The following DCAF5 variants were observed in gnomAD, a reference collection of about 807,000 sequenced individuals.
The protein encoded by DCAF5 is DDB1 and CUL4 associated factor 5, also known as DDB1- and CUL4-associated factor 5.
DCAF5 carries 9 observed loss-of-function variants against 80.7 expected under a neutral mutation model. The observed-to-expected ratio is 0.11, with a 90% CI of 0.07 to 0.19. DCAF5 has a LOEUF of 0.19. Among genes scored for constraint, DCAF5 ranks in the 10% least tolerant of loss-of-function variants. The pLI is 1.00. For synonymous variants in DCAF5, 433 were observed against 461.9 expected, an observed-to-expected ratio of 0.94 and a Z score of 0.80; for missense variants, 842 against 1,205.7, an observed-to-expected ratio of 0.70 and a Z score of 4.47.
At chr14:69,056,979 G>C (rs1191101644) in intron 8 of DCAF5, among the ~76,000 whole-genome samples, 2 of 152,116 alleles carry the variant, frequency 1.3e-5, no homozygotes, top group Admixed American at 1.3e-4. Flanking sequence ...TCTTACCCTA[G>C]AGAGTTTCAA....
At chr14:69,132,160 A>C (rs2041061165) in intron 1 of DCAF5, among the ~76,000 whole-genome samples, 1 of 152,172 alleles carries the variant, frequency 6.6e-6, no homozygotes, top group African/African-American at 2.4e-5. Context: ...ATATAACCAG[A>C]AGTGAAATTG....
In DCAF5 at chr14:69,062,651, T is replaced by C. The variant is rs1405914917; in HGVS notation, c.947-140A>G. On this transcript the variant is annotated intron_variant, in intron 7 of 8. Transcript: ENST00000341516. ...CCAGCAGAATGCTTAATCTTACAGA[T>C]AAGTTGCTATGGAAAGAGAGAAGAT... 1.1e-5 allele frequency: 10 copies of C among 886,966 alleles called. No individual in the cohort carries two copies. The South Asian group carries it at 1.7e-4, about 15-fold the overall frequency. 54.9% of individuals were successfully genotyped at this position (886,966 alleles called of 1,614,324 possible).
intron 1 of DCAF5, among the ~76,000 whole-genome samples, chr14:69,123,524 T>C (rs890095608): frequency 1.3e-5 from 2 of 152,192 alleles, no homozygotes; most frequent in Non-Finnish European, 2.9e-5. Flanking sequence ...AAAATATATA[T>C]ATATACATGT....
intron 7 of DCAF5, among the ~76,000 whole-genome samples, chr14:69,066,137 GTT>G (rs1212937696): frequency 3.5e-5 from 5 of 141,416 alleles, no homozygotes; most frequent in South Asian, 2.3e-4. Context: ...TGCTGACACT[GTT>G]TTTTTTTTTT....
intron 6 of DCAF5, chr14:69,091,060 CT>C (rs1268850278): frequency 6.7e-6 from 5 of 746,362 alleles, no homozygotes. Context: ...TATTCTTAAA[CT>C]GCCAGCTTTA....
intron 5 of DCAF5, among the ~76,000 whole-genome samples, chr14:69,113,497 G>A (rs1052724072): frequency 2.0e-5 from 3 of 151,576 alleles, no homozygotes; most frequent in African/African-American, 4.9e-5. Flanking sequence ...GCAGTTATAG[G>A]GGATTCACAA....
chr14:69,084,068 C>G, intron 6 of DCAF5: 7 of 785,534 alleles, frequency 8.9e-6, no homozygotes, highest in Non-Finnish European at 1.6e-5. Context: ...GTGGTAAAAC[C>G]CCAGCTTTTC....
intron 7 of DCAF5, among the ~76,000 whole-genome samples, chr14:69,065,780 G>C (rs1166890853): frequency 1.3e-5 from 2 of 152,104 alleles, no homozygotes; most frequent in Non-Finnish European, 2.9e-5. Flanking sequence ...AAAGAATCTA[G>C]GGTCTCCTTT....
intron 5 of DCAF5, among the ~76,000 whole-genome samples, chr14:69,098,909 A>G (rs1486826526): frequency 6.7e-6 from 1 of 149,562 alleles, no homozygotes; most frequent in Admixed American, 6.7e-5. Context: ...AAAAAAAAAA[A>G]AAAAAAGAAA....
chr14:69,143,092 A>T (rs2041424439), intron 1 of DCAF5, among the ~76,000 whole-genome samples: 1 of 152,214 alleles, frequency 6.6e-6, no homozygotes, highest in African/African-American at 2.4e-5. Context: ...CTGCTTGAGA[A>T]GTAAGTACTG....
chr14:69,145,577 A>G (rs1354289823), intron 1 of DCAF5, among the ~76,000 whole-genome samples: 1 of 152,204 alleles, frequency 6.6e-6, no homozygotes, highest in Non-Finnish European at 1.5e-5. Context: ...TTTAAAGGAC[A>G]GGGAATTGAG....
At chr14:69,075,287 A>T (rs2038857204) in intron 7 of DCAF5, 58 bp downstream of exon 7, 1 of 1,438,338 alleles carries the variant, frequency 7.0e-7, no homozygotes, top group Non-Finnish European at 9.7e-7. Context: ...AGGGCACAGC[A>T]TGCCAAAGGT....
intron 5 of DCAF5, among the ~76,000 whole-genome samples, chr14:69,101,985 T>C (rs1181124474): frequency 1.3e-5 from 2 of 152,162 alleles, no homozygotes; most frequent in Non-Finnish European, 2.9e-5. Context: ...TGAATGAATG[T>C]GAAGGCCTAG....
At chr14:69,120,780 T>C (rs1595035217) in intron 2 of DCAF5, among the ~76,000 whole-genome samples, 1 of 152,210 alleles carries the variant, frequency 6.6e-6, no homozygotes. Flanking sequence ...AGGTCTTGGG[T>C]ATATAAAAAG....
At chr14:69,109,195 T>C (rs1047010314) in intron 5 of DCAF5, among the ~76,000 whole-genome samples, 1 of 151,756 alleles carries the variant, frequency 6.6e-6, no homozygotes, top group Non-Finnish European at 1.5e-5. Flanking sequence ...CAAAAAGAAA[T>C]TAGCCGGGCG....
chr14:69,095,532 T>G (rs1214740079), intron 5 of DCAF5, among the ~76,000 whole-genome samples: 1 of 144,704 alleles, frequency 6.9e-6, no homozygotes, highest in Non-Finnish European at 1.5e-5. Context: ...TTATTTTGTT[T>G]TGTTTTGTTT....
intron 1 of DCAF5, among the ~76,000 whole-genome samples, chr14:69,145,666 TA>T (rs1250963300): frequency 9.5e-5 from 12 of 126,226 alleles, no homozygotes; most frequent in Non-Finnish European, 1.3e-4. Flanking sequence ...TTTATAAGAA[TA>T]TTTTTTTAAA....
At chr14:69,090,090 C>T (rs752338445) in intron 6 of DCAF5, 60 of 985,312 alleles carry the variant, frequency 6.1e-5, no homozygotes, top group Non-Finnish European at 7.2e-5. Flanking sequence ...ATATCACCTT[C>T]ACTGCATGCT....
At chr14:69,145,209 G>A (rs1449863646) in intron 1 of DCAF5, among the ~76,000 whole-genome samples, 5 of 152,082 alleles carry the variant, frequency 3.3e-5, no homozygotes, top group African/African-American at 1.2e-4. Flanking sequence ...GTAGAGGTAG[G>A]GTCATGCTAT....
Sources: gnomAD v4.1 joint callset for allele counts (sites outside exome capture counted in the v4.1 genomes callset) on GRCh38, gnomAD v4.1.1 for gene constraint, MANE v1.5 for transcripts, NCBI Gene and HGNC (gene_info 2026-07-23, HGNC 2026-07-21) for gene names.